Variants in PCF11 observed in about 807,000 individuals in gnomAD.
The protein encoded by PCF11 is PCF11 cleavage and polyadenylation factor subunit.
Under a neutral mutation model 166.1 loss-of-function variants are expected in PCF11, and 19 were observed. The observed-to-expected ratio is 0.11, with a 90% CI of 0.08 to 0.17. The LOEUF is 0.17. Among genes scored for constraint, PCF11 ranks in the 10% least tolerant of loss-of-function variants. The pLI is 1.00. For missense variants in PCF11, 1,565 were observed against 1,855.5 expected, an observed-to-expected ratio of 0.84 and a Z score of 2.88; for synonymous variants, 663 against 644.1, an observed-to-expected ratio of 1.03 and a Z score of -0.44.
At chr11:83,158,463 C>T (rs1303348459) in intron 1 of PCF11, 3 of 152,310 alleles carry the variant, frequency 2.0e-5, no homozygotes, top group East Asian at 1.9e-4. Flanking sequence ...TCTCCCTTCC[C>T]TGATAGCGAA....
At chr11:83,166,999 T>C in intron 5 of PCF11, 126 bp from the exon 6 acceptor site, 1 of 753,150 alleles carries the variant, frequency 1.3e-6, no homozygotes, top group Non-Finnish European at 2.1e-6. Flanking sequence ...TAATCATTTA[T>C]TTAATTACTT....
exon 5 of PCF11, chr11:83,166,175 A>C (rs1383601614): frequency 6.2e-7 from 1 of 1,606,100 alleles, no homozygotes. Context: ...GAAAAACTGC[A>C]GAAAAAAAGG....
chr11:83,183,283 C>T (rs1048872636), intron 15 of PCF11, among the ~76,000 whole-genome samples: 9 of 152,024 alleles, frequency 5.9e-5, no homozygotes, highest in Admixed American at 5.2e-4. Flanking sequence ...TGTGATAACG[C>T]AAACAATTAA....
At chr11:83,184,265 G>GT (rs1451123949) in intron 15 of PCF11, 2 of 157,766 alleles carry the variant, frequency 1.3e-5, no homozygotes, top group Non-Finnish European at 2.8e-5. Flanking sequence ...AATTTGGAAG[G>GT]TTTATTTAGG....
intron 15 of PCF11, 60 bp downstream of exon 15, chr11:83,183,133 G>GT (rs377050625): frequency 0.042 from 32,912 of 782,342 alleles, no homozygotes; most frequent in South Asian, 0.062. Flanking sequence ...TTACTTTTCA[G>GT]TTTTTTTTTT....
At chr11:83,159,450 A>G (rs1170800333) in intron 1 of PCF11, among the ~76,000 whole-genome samples, 1 of 152,240 alleles carries the variant, frequency 6.6e-6, no homozygotes, top group Non-Finnish European at 1.5e-5. Flanking sequence ...TGTCACTCAA[A>G]GAACCTTGCT....
intron 12 of PCF11, 22 bp downstream of exon 12, chr11:83,181,213 A>G (rs770347246): frequency 9.4e-6 from 13 of 1,383,756 alleles, no homozygotes; most frequent in Non-Finnish European, 1.3e-5. Context: ...ATGTGCCTCC[A>G]TAGTATCTTT....
intron 8 of PCF11, among the ~76,000 whole-genome samples, chr11:83,170,999 C>T (rs1020420605): frequency 1.3e-5 from 2 of 152,124 alleles, no homozygotes; most frequent in African/African-American, 2.4e-5. Flanking sequence ...AGTCTTGTTT[C>T]TACATTACAC....
At chr11:83,157,848 C>G (rs1860055169) in intron 1 of PCF11, 3 of 575,912 alleles carry the variant, frequency 5.2e-6, no homozygotes, top group South Asian at 2.1e-5. Context: ...GTCCCACTTC[C>G]GCTTTCCAAC....
At chr11:83,164,663 G>T (rs775681922) in intron 4 of PCF11, among the ~76,000 whole-genome samples, 9 of 151,814 alleles carry the variant, frequency 5.9e-5, no homozygotes, top group Non-Finnish European at 8.8e-5. Flanking sequence ...TGGGAGGATC[G>T]CTTGAGTTTA....
At chr11:83,157,386 C>T in exon 1 of PCF11, 1 of 1,520,084 alleles carries the variant, frequency 6.6e-7, no homozygotes, top group East Asian at 2.3e-5. Flanking sequence ...GGCGGGGTAT[C>T]CAGAGCGGCT....
Position 83,164,411 on chromosome 11 carries a change from G to T in PCF11, c.702+10G>T, listed in dbSNP as rs1310313276. 3 of 1,593,788 alleles carry T rather than the reference G, an allele frequency of 1.9e-6. No homozygotes were observed. The highest frequency in any genetic ancestry group is 8.5e-7 in the Non-Finnish European group (1 of 1,170,418). ...AGCTAAGGCACAGTTGGTAAGTAAG[G>T]GAGATTGTCATTTTAAATATTTTAA... On this transcript the variant is annotated intron_variant, in intron 4 of 15. Coordinates refer to ENST00000298281, the Ensembl canonical transcript of PCF11.
intron 10 of PCF11, among the ~76,000 whole-genome samples, 152 bp downstream of exon 10, chr11:83,177,356 A>C (rs1473477922): frequency 1.3e-5 from 2 of 152,188 alleles, no homozygotes; most frequent in African/African-American, 4.8e-5. Flanking sequence ...TTTATAATGA[A>C]ATTCTTTTAG....
intron 7 of PCF11, 146 bp downstream of exon 7, chr11:83,168,044 AAAGGG>A: frequency 1.6e-6 from 1 of 625,902 alleles, no homozygotes; most frequent in Non-Finnish European, 2.4e-6. Flanking sequence ...CCCTTTAAGG[AAAGGG>A]AAGGGAAGGG....
chr11:83,184,008 C>T (rs1861178533), intron 15 of PCF11: 3 of 151,742 alleles, frequency 2.0e-5, no homozygotes, highest in Non-Finnish European at 4.4e-5. Flanking sequence ...AAAAATTAGC[C>T]AGGCATGGTG....
At chr11:83,173,035 G>A (rs986144240) in intron 9 of PCF11, among the ~76,000 whole-genome samples, 2 of 152,174 alleles carry the variant, frequency 1.3e-5, no homozygotes, top group African/African-American at 4.8e-5. Context: ...TTACTATAAT[G>A]AAAAGAGAAG....
At chr11:83,186,373 A>G (rs926209556) in exon 16 of PCF11, 1 of 152,066 alleles carries the variant, frequency 6.6e-6, no homozygotes, top group Non-Finnish European at 1.5e-5. Context: ...TATGGTTAAA[A>G]CTCAGTAGTT....
chr11:83,161,044 C>T (rs1860231564), intron 1 of PCF11, among the ~76,000 whole-genome samples: 1 of 152,148 alleles, frequency 6.6e-6, no homozygotes, highest in Non-Finnish European at 1.5e-5. Context: ...ACTTAAAACA[C>T]AGGTCTTTTT....
exon 8 of PCF11, chr11:83,168,430 G>T: frequency 6.3e-7 from 1 of 1,579,964 alleles, no homozygotes; most frequent in Non-Finnish European, 8.6e-7. Flanking sequence ...TTTAAAAGGT[G>T]TGCGAGAAGA....
Sources: gnomAD v4.1 joint callset for allele counts (sites outside exome capture counted in the v4.1 genomes callset) on GRCh38, gnomAD v4.1.1 for gene constraint, MANE v1.5 for transcripts, NCBI Gene and HGNC (gene_info 2026-07-23, HGNC 2026-07-21) for gene names.